PCNX3: variants seen among roughly 807,000 people sequenced by gnomAD.
PCNX3 encodes the protein pecanex-like protein 3.
In PCNX3, 58 loss-of-function variants were observed where a neutral mutation model predicts 207.2. That is an observed-to-expected ratio of 0.28 (90% CI 0.23 to 0.35). PCNX3 has a LOEUF of 0.35. Ranked by LOEUF, PCNX3 falls within the 10% of genes least tolerant of loss-of-function variation. The pLI is 1.00. For synonymous variants in PCNX3, 1,337 were observed against 1,183.5 expected (o/e 1.13, Z -2.66); for missense variants, 2,410 against 2,774.4 (o/e 0.87, Z 2.95).
intron 27 of PCNX3, 76 bp from the exon 28 acceptor site, chr11:65,634,050 C>T: frequency 1.5e-6 from 2 of 1,315,974 alleles, no homozygotes; most frequent in East Asian, 2.5e-5. Context: ...TGGGGAGGAG[C>T]CTCTGAACCT....
chr11:65,624,973 T>G lies in PCNX3; in HGVS notation c.2876T>G (p.Leu959Arg). 1 of 1,612,792 alleles carries G rather than the reference T, an allele frequency of 6.2e-7. No homozygotes were observed. Among genetic ancestry groups the G allele is most frequent in the Non-Finnish European group, 8.5e-7 (1 of 1,179,634 alleles). The change falls in exon 16 of 35, where the codon CTG (leucine) becomes CGG (arginine). Residue 959 changes from leucine to arginine, a missense_variant. By Grantham distance (102) the Leu-to-Arg change is moderately radical. Transcript: ENST00000355703. ...GTCTTCAGCCTCTCCCGCAGCCTGC[T>G]GGCTGCTGCCCTGCTCTACGGTTTC... ...TAVFSLSRSL[L>R]AAALLYGFCL...
chr11:65,632,757 T>C (rs1855667225), intron 27 of PCNX3, among the ~76,000 whole-genome samples: 1 of 150,790 alleles, frequency 6.6e-6, no homozygotes, highest in African/African-American at 2.4e-5. Flanking sequence ...TTTTTTATTT[T>C]TTTTTGAAAC....
rs981997405 is a variant in PCNX3, at chr11:65,624,466, G to A, written c.2717-5G>A. 20 of 1,588,658 alleles carry A rather than the reference G, an allele frequency of 1.3e-5. No homozygotes were observed. The highest frequency in any genetic ancestry group is 5.3e-5 in the Admixed American group (3 of 56,446). On this transcript the variant is annotated splice_region_variant and splice_polypyrimidine_tract_variant and intron_variant, in intron 14 of 34. Transcript: ENST00000355703. ...GACCAGGCCTTCGTGTCCCCTCCCT[G>A]CCAGTGTTCACCCTGTGCTTCCCCT...
rs143245660 is a variant in PCNX3 at position 65,618,813 on chromosome 11, G to A, written c.1451G>A (p.Arg484Gln). The A allele has an allele frequency of 1.6e-3, 2,532 of 1,611,532 alleles. 6 individuals carry two copies. The highest frequency in any genetic ancestry group is 1.9e-3 in the Non-Finnish European group (2,222 of 1,179,390). Residue 484 changes from arginine (R) to glutamine (Q), a missense_variant, in exon 6 of 35, where the codon CGG (arginine) becomes CAG (glutamine). By Grantham distance (43) the Arg-to-Gln change is conservative (BLOSUM62 1). Transcript: ENST00000355703. ...AEEGTAVPPKRPYGTQRTPST... is the reference protein window; with the variant it reads ...AEEGTAVPPKQPYGTQRTPST... Reference sequence around the variant, plus strand: ...GAGGGAACTGCTGTGCCCCCCAAGCGGCCATATGGGACCCAGCGGACGCCT... The same window carrying A: ...GAGGGAACTGCTGTGCCCCCCAAGCAGCCATATGGGACCCAGCGGACGCCT...
At chr11:65,619,201 G>T (rs1397657511) in intron 6 of PCNX3, 134 bp downstream of exon 6, 1 of 829,404 alleles carries the variant, frequency 1.2e-6, no homozygotes, top group Admixed American at 2.7e-5. Flanking sequence ...ACGTGGGCCT[G>T]GTGGTGATTG....
chr11:65,621,394 C>T lies in PCNX3; in HGVS notation c.2235+428C>T, dbSNP rs115846832. Reference sequence around the variant, plus strand: ...TCTCAGTATACTCATTACCAGCGCTCTGTCACTCTTAAGAATATCACAGTT... The same window carrying T: ...TCTCAGTATACTCATTACCAGCGCTTTGTCACTCTTAAGAATATCACAGTT... On this transcript the variant is annotated intron_variant, in intron 10 of 34. Coordinates refer to ENST00000355703, the MANE Select transcript of PCNX3 (RefSeq NM_032223.4). Among the ~76,000 whole-genome samples, 560 of 152,356 alleles carry T rather than the reference C, an allele frequency of 3.7e-3. 2 individuals carry two copies. Among genetic ancestry groups the T allele is most frequent in the African/African-American group, 0.013 (535 of 41,574 alleles).
intron 20 of PCNX3, 61 bp from the exon 21 acceptor site, chr11:65,626,842 GA>G (rs754277005): frequency 6.4e-7 from 1 of 1,552,170 alleles, no homozygotes; most frequent in East Asian, 2.4e-5. Context: ...CCTAGGGAAG[GA>G]CTTCCTCAGG....
At chr11:65,629,776 G>C (rs556107675) in intron 26 of PCNX3, 41 bp downstream of exon 26, 1 of 1,536,498 alleles carries the variant, frequency 6.5e-7, no homozygotes, top group East Asian at 2.4e-5. Flanking sequence ...GGCACAGCTC[G>C]GGCCTGATGT....
rs762215608 is a variant in PCNX3, at chr11:65,625,447, C to T, written c.3072C>T (p.Arg1024=). The T allele has an allele frequency of 3.7e-5, 60 of 1,605,166 alleles. 1 individual carries two copies. The highest frequency in any genetic ancestry group is 2.3e-4 in the South Asian group (21 of 91,034). ...RSKLFPELEE[R]SLETARAEPP... is the part of the protein sequence containing the mutation. Reference sequence around the variant, plus strand: ...AGCTGTTCCCTGAGCTGGAGGAGCGCAGCTTGGAGACAGCCCGGGCCGAGC... The same window carrying T: ...AGCTGTTCCCTGAGCTGGAGGAGCGTAGCTTGGAGACAGCCCGGGCCGAGC... The change falls in exon 18 of 35, where the codon CGC becomes CGT. Residue 1024 remains arginine (R), a synonymous_variant. Transcript: ENST00000355703. The surrounding 1 kb of genome is among the most constrained non-coding windows in gnomAD (Gnocchi z 5.6).
chr11:65,635,293 C>T lies in PCNX3; in HGVS notation c.5029C>T (p.Leu1677=), dbSNP rs1320051528. Residue 1677 remains leucine (L), a synonymous_variant, in exon 31 of 35, where the codon CTG becomes TTG. Coordinates refer to ENST00000355703, the MANE Select transcript of PCNX3 (RefSeq NM_032223.4). This position sits in a 1 kb window ranked among gnomAD's most constrained non-coding sequence, Gnocchi z 9.9. ...TGCCATTGCGGCCAACGAGGAGCGGCTGGTCATCTCACATGAGGGTGACCC... is the reference window on the plus strand; with the variant it reads ...TGCCATTGCGGCCAACGAGGAGCGGTTGGTCATCTCACATGAGGGTGACCC... ...YDAIAANEER[L]VISHEGDPAW... 1.3e-6 allele frequency: 2 copies of T among 1,595,834 alleles called. No homozygotes were observed. Among genetic ancestry groups the T allele is most frequent in the African/African-American group, 1.3e-5 (1 of 74,350 alleles).
chr11:65,617,434 C>T, intron 3 of PCNX3, 36 bp from the exon 4 acceptor site: 1 of 1,613,902 alleles, frequency 6.2e-7, no homozygotes, highest in Non-Finnish European at 8.5e-7. Flanking sequence ...CTACTTCTTG[C>T]CTTGTTTGTT....
intron 5 of PCNX3, 77 bp from the exon 6 acceptor site, chr11:65,617,863 C>T (rs1854830825): frequency 1.4e-5 from 21 of 1,471,046 alleles, no homozygotes; most frequent in Admixed American, 2.2e-5. Flanking sequence ...AAGTACAGGG[C>T]ATAAGACCTC....
Position 65,627,427 on chromosome 11 carries a change from G to C in PCNX3, c.3547G>C (p.Val1183Leu). Residue 1183 changes from valine to leucine, a missense_variant, in exon 22 of 35, where the codon GTG becomes CTG. Physicochemically the swap from Val to Leu is conservative, Grantham distance 32 (BLOSUM62 1). This residue lies in a region of PCNX3 where 333 missense variants were observed against 386.8 expected (regional missense o/e 0.86). Coordinates refer to ENST00000355703, the MANE Select transcript of PCNX3 (RefSeq NM_032223.4). ...CAGCTGCCGGGCGCTGCTGATGACC[G>C]TGGCTGGGCTGAAGCTGCTGCGCTC... The part of the protein sequence containing the change: ...CFYCRALLMT[V>L]AGLKLLRSAF... 1 of 1,611,190 alleles carries C rather than the reference G, an allele frequency of 6.2e-7. No individual in the cohort carries two copies. Among genetic ancestry groups the C allele is most frequent in the Non-Finnish European group, 8.5e-7 (1 of 1,179,828 alleles).
rs761070324 is a variant in PCNX3, at chr11:65,618,553, C to G, written c.1191C>G (p.Pro397=). 1.2e-6 allele frequency: 2 copies of G among 1,611,384 alleles called. No homozygotes were observed. The highest frequency in any genetic ancestry group is 1.7e-5 in the Admixed American group (1 of 59,990). The part of the protein sequence containing the change: ...ALLRPSKRQP[P]LRRHSPPGRA... ...TACGGCCTAGCAAACGGCAGCCACC[C>G]CTGCGAAGACACTCTCCACCTGGCC... is the stretch of plus-strand genomic sequence containing the variant. Residue 397 remains proline (P), a synonymous_variant, in exon 6 of 35, where the codon CCC becomes CCG. Coordinates refer to ENST00000355703, the MANE Select transcript of PCNX3 (RefSeq NM_032223.4).
Position 65,634,646 on chromosome 11 carries a change from G to GT in PCNX3, c.4805+6dup. 1 of 1,576,952 alleles carries GT rather than the reference G, an allele frequency of 6.3e-7. No homozygotes were observed. The highest frequency in any genetic ancestry group is 8.6e-7 in the Non-Finnish European group (1 of 1,167,826). On this transcript the variant is annotated splice_donor_region_variant and intron_variant, in intron 29 of 34. Transcript: ENST00000355703. ...CTCTCACAGCATGTCTGCAAGGTGA[G>GT]TGCTCGGGTGTCCCGCGGGGCCTAC...
chr11:65,627,140 C>T (rs1046984494), intron 21 of PCNX3, 92 bp downstream of exon 21: 17 of 1,427,820 alleles, frequency 1.2e-5, no homozygotes, highest in East Asian at 2.5e-5. Context: ...TGAATCATGT[C>T]TAAGGTTGTT....
At position 65,624,547 on chromosome 11, in the gene PCNX3, G is replaced by A. The variant is rs1288922427; in HGVS notation, c.2793G>A (p.Leu931=). 1 of 1,608,394 alleles carries A rather than the reference G, an allele frequency of 6.2e-7. No individual in the cohort carries two copies. Residue 931 remains leucine, a synonymous_variant, in exon 15 of 35, where the codon CTG becomes CTA. Transcript: ENST00000355703. ...TCAACACCTGCCTCATGTACCTGCTGGAGCAAATAGATATGCACGGCTTCG... is the reference window on the plus strand; with the variant it reads ...TCAACACCTGCCTCATGTACCTGCTAGAGCAAATAGATATGCACGGCTTCG... ...PQVNTCLMYL[L]EQIDMHGFGG... is the part of the protein sequence containing the mutation.
chr11:65,624,454 T>C lies in PCNX3; in HGVS notation c.2717-17T>C. The C allele has an allele frequency of 6.3e-7, 1 of 1,576,084 alleles. No homozygotes were observed. The highest frequency in any genetic ancestry group is 8.6e-7 in the Non-Finnish European group (1 of 1,160,046). On this transcript the variant is annotated splice_polypyrimidine_tract_variant and intron_variant, in intron 14 of 34. Transcript: ENST00000355703. ...AGCCAGCAGGCTGACCAGGCCTTCG[T>C]GTCCCCTCCCTGCCAGTGTTCACCC... is the stretch of plus-strand genomic sequence containing the variant.
intron 27 of PCNX3, among the ~76,000 whole-genome samples, chr11:65,632,547 C>T (rs1855658074): frequency 7.5e-6 from 1 of 133,652 alleles, no homozygotes; most frequent in African/African-American, 2.8e-5. Flanking sequence ...GCAGTGCTTC[C>T]CGGGAAGTAC....
Sources: allele counts gnomAD v4.1 joint callset (sites outside exome capture counted in the v4.1 genomes callset), GRCh38; gene constraint gnomAD v4.1.1; regional missense constraint gnomAD v4.1.1; non-coding constraint Gnocchi (gnomAD v3.1); transcripts MANE v1.5; gene names NCBI Gene and HGNC (gene_info 2026-07-23, HGNC 2026-07-21).